The following DTD1 variants were observed in gnomAD, a reference collection of about 807,000 sequenced individuals.
The protein encoded by DTD1 is D-tyrosyl-tRNA deacylase 1 homolog.
DTD1 carries 13 observed loss-of-function variants against 25.6 expected under a neutral mutation model. The observed-to-expected ratio is 0.51, with a 90% CI of 0.33 to 0.81. DTD1 has a LOEUF of 0.81. Ranked by LOEUF, DTD1 falls within the 30% of genes least tolerant of loss-of-function variation. The pLI is 0.02. For missense variants in DTD1, 193 were observed against 266.4 expected (o/e 0.72, Z 1.92); for synonymous variants, 110 against 103.6 (o/e 1.06, Z -0.37).
chr20:18,724,737 C>G (rs956871678), intron 4 of DTD1, among the ~76,000 whole-genome samples: 2 of 152,188 alleles, frequency 1.3e-5, no homozygotes, highest in African/African-American at 4.8e-5. Flanking sequence ...AAAACAGGAG[C>G]CTTCCCTCCC....
chr20:18,601,217 C>T (rs369628431), intron 3 of DTD1, among the ~76,000 whole-genome samples: 31 of 151,998 alleles, frequency 2.0e-4, no homozygotes, highest in African/African-American at 5.5e-4. Context: ...ATGTTCTCCC[C>T]GGCCAGGCGT....
chr20:18,618,302 T>G (rs1299501101), intron 3 of DTD1, among the ~76,000 whole-genome samples: 1 of 152,128 alleles, frequency 6.6e-6, no homozygotes, highest in African/African-American at 2.4e-5. Flanking sequence ...GACTGACTTA[T>G]TTCCTTTTCT....
intron 1 of DTD1, among the ~76,000 whole-genome samples, chr20:18,590,138 ATAGT>A (rs2060583315): frequency 6.6e-6 from 1 of 152,184 alleles, no homozygotes; most frequent in Non-Finnish European, 1.5e-5. Flanking sequence ...TTATTTTAAA[ATAGT>A]TGGTTGACTT....
chr20:18,655,622 A>G (rs1458470982), intron 4 of DTD1, among the ~76,000 whole-genome samples: 1 of 152,194 alleles, frequency 6.6e-6, no homozygotes, highest in Non-Finnish European at 1.5e-5. Flanking sequence ...AGCGTGGACA[A>G]TTGAGAGCCA....
At chr20:18,634,581 C>G (rs2060800278) in intron 4 of DTD1, among the ~76,000 whole-genome samples, 1 of 152,210 alleles carries the variant, frequency 6.6e-6, no homozygotes, top group Non-Finnish European at 1.5e-5. Context: ...TTACGCTCCT[C>G]TGAGTATCAC....
intron 5 of DTD1, among the ~76,000 whole-genome samples, chr20:18,762,402 A>G (rs1422580600): frequency 4.6e-5 from 7 of 152,214 alleles, no homozygotes; most frequent in Non-Finnish European, 8.8e-5. Context: ...TCGGAATTAC[A>G]AAAGGAAACC....
intron 4 of DTD1, among the ~76,000 whole-genome samples, chr20:18,661,327 A>G (rs536672292): frequency 1.2e-3 from 176 of 151,354 alleles, no homozygotes; most frequent in Middle Eastern, 3.4e-3. Flanking sequence ...ACCTGTACTC[A>G]ATTTGCAGAG....
At chr20:18,669,862 T>C (rs1290294972) in intron 4 of DTD1, among the ~76,000 whole-genome samples, 1 of 152,140 alleles carries the variant, frequency 6.6e-6, no homozygotes, top group Non-Finnish European at 1.5e-5. Context: ...TCTCCACAAG[T>C]CTTTGCTGGC....
chr20:18,698,862 G>GT (rs1351360217), intron 4 of DTD1, among the ~76,000 whole-genome samples: 1 of 152,208 alleles, frequency 6.6e-6, no homozygotes, highest in East Asian at 1.9e-4. Context: ...TCCAGGGCTG[G>GT]TTACTTTGGC....
intron 4 of DTD1, among the ~76,000 whole-genome samples, chr20:18,686,352 A>G (rs1043932960): frequency 1.3e-5 from 2 of 152,238 alleles, no homozygotes; most frequent in Non-Finnish European, 2.9e-5. Context: ...GTGCCCTTGC[A>G]CATCTATTTT....
intron 4 of DTD1, among the ~76,000 whole-genome samples, chr20:18,649,616 A>C (rs2060865811): frequency 1.3e-5 from 2 of 152,084 alleles, no homozygotes; most frequent in African/African-American, 2.4e-5. Flanking sequence ...CATCTTTCTT[A>C]GAACACCATT....
rs544372245 is a variant in DTD1, at chr20:18,749,847, G to T, written c.*19+5576G>T. ...AGGAACGCCCCTATTGCTACTCAGC[G>T]CATGGAGGCTCATGAACAAGTTTAG... is the stretch of plus-strand genomic sequence containing the variant. On this transcript the variant is annotated intron_variant, in intron 5 of 5. Coordinates refer to ENST00000377452, the MANE Select transcript of DTD1 (RefSeq NM_080820.6). The surrounding 1 kb of genome is among the most constrained non-coding windows in gnomAD (Gnocchi z 4.2). Among the ~76,000 whole-genome samples the T allele has an allele frequency of 1.3e-5, 2 of 152,232 alleles. No homozygotes were observed. Among genetic ancestry groups the T allele is most frequent in the South Asian group, 2.1e-4 (1 of 4,832 alleles).
chr20:18,624,589 C>A (rs569361632), intron 3 of DTD1, among the ~76,000 whole-genome samples: 2 of 152,268 alleles, frequency 1.3e-5, no homozygotes, highest in South Asian at 4.1e-4. Flanking sequence ...ATGTGTCATA[C>A]AGGTGTCCTT....
intron 4 of DTD1, among the ~76,000 whole-genome samples, chr20:18,669,505 T>C (rs2060944225): frequency 6.6e-6 from 1 of 152,210 alleles, no homozygotes; most frequent in Admixed American, 6.5e-5. Flanking sequence ...TCTTGGGATC[T>C]ACCCCCTTTT....
chr20:18,748,736 G>A (rs572283596), intron 5 of DTD1, among the ~76,000 whole-genome samples: 3 of 152,296 alleles, frequency 2.0e-5, no homozygotes, highest in South Asian at 4.1e-4. Flanking sequence ...TCATGGACTC[G>A]TAGGTATCTA....
At chr20:18,642,457 C>T (rs1247501257) in intron 4 of DTD1, among the ~76,000 whole-genome samples, 2 of 152,032 alleles carry the variant, frequency 1.3e-5, no homozygotes, top group African/African-American at 4.8e-5. Context: ...ATCATAGAGA[C>T]AGGGTCTTGC....
intron 5 of DTD1, among the ~76,000 whole-genome samples, chr20:18,750,159 CG>C (rs1446365623): frequency 6.6e-6 from 1 of 152,136 alleles, no homozygotes; most frequent in Non-Finnish European, 1.5e-5. Context: ...AGATCCTAAA[CG>C]GGACCAGAAC....
intron 3 of DTD1, chr20:18,620,119 G>T (rs746817855): frequency 2.0e-5 from 3 of 152,234 alleles, no homozygotes; most frequent in Middle Eastern, 3.4e-3. Context: ...ACCAGGTAAG[G>T]TGAATTTCTC....
chr20:18,713,391 G>A (rs1285517203), intron 4 of DTD1, among the ~76,000 whole-genome samples: 2 of 152,218 alleles, frequency 1.3e-5, no homozygotes, highest in Non-Finnish European at 2.9e-5. Flanking sequence ...ATGCTTGAGT[G>A]CTTGATTCTC....
Sources: gnomAD v4.1 joint callset for allele counts (sites outside exome capture counted in the v4.1 genomes callset) on GRCh38, gnomAD v4.1.1 for gene constraint, Gnocchi (gnomAD v3.1) non-coding constraint, MANE v1.5 for transcripts, NCBI Gene and HGNC (gene_info 2026-07-23, HGNC 2026-07-21) for gene names.